SLC41A3: variants seen among roughly 807,000 people sequenced by gnomAD.
SLC41A3 encodes the protein SLC41A1-like 2.
A neutral mutation model predicts 45.4 loss-of-function variants in SLC41A3; 44 were observed. The observed-to-expected ratio is 0.97, with a 90% CI of 0.76 to 1.25. SLC41A3 has a LOEUF of 1.25. Among genes scored for constraint, SLC41A3 ranks in the 50% most tolerant of loss-of-function variants. The probability of loss-of-function intolerance (pLI) is 0.00; values close to 1 mark genes in which losing one functional copy is unlikely to be tolerated. For missense variants in SLC41A3, 550 were observed against 600.6 expected, an observed-to-expected ratio of 0.92 and a Z score of 0.88; for synonymous variants, 256 against 252.4, an observed-to-expected ratio of 1.01 and a Z score of -0.13.
At chr3:126,016,600 G>A in intron 7 of SLC41A3, 131 bp downstream of exon 7, 1 of 1,152,940 alleles carries the variant, frequency 8.7e-7, no homozygotes, top group Non-Finnish European at 1.2e-6. Flanking sequence ...TCAGCAATGG[G>A]AGTTACTGAA....
At position 126,026,538 on chromosome 3, in the gene SLC41A3, G is replaced by A; in HGVS notation, c.454-59C>T. On this transcript the variant is annotated intron_variant, in intron 4 of 10. Coordinates refer to ENST00000360370, the MANE Select transcript of SLC41A3 (RefSeq NM_017836.4). This position sits in a 1 kb window ranked among gnomAD's most constrained non-coding sequence, Gnocchi z 4.2. The stretch of plus-strand genomic sequence containing the variant: ...CCCCGGGGCCACAGCCACACTCCCT[G>A]CCCTTCACACCTCACTCACCGCAAG... 1 of 1,568,488 alleles carries A rather than the reference G, an allele frequency of 6.4e-7. No individual in the cohort carries two copies. Among genetic ancestry groups the A allele is most frequent in the East Asian group, 2.3e-5 (1 of 43,316 alleles).
At chr3:126,024,851 C>T (rs1941205878) in intron 5 of SLC41A3, 1 of 152,168 alleles carries the variant, frequency 6.6e-6, no homozygotes, top group Non-Finnish European at 1.5e-5. Context: ...TAAGCCTGGC[C>T]CTGGTTTAAG....
chr3:126,033,446 C>T lies in SLC41A3; in HGVS notation c.453+161G>A, dbSNP rs538225239. Among the ~76,000 whole-genome samples the T allele has an allele frequency of 8.5e-5, 13 of 152,160 alleles. No homozygotes were observed. In the South Asian group the frequency reaches 2.3e-3, roughly 27 times the overall value. On this transcript the variant is annotated intron_variant, in intron 4 of 10. Transcript: ENST00000360370. ...AGGTGGGCTGAGCCTCCAGAAGCTG[C>T]GTGAATGTGGTCTATTGGATGTGGG...
intron 3 of SLC41A3, among the ~76,000 whole-genome samples, chr3:126,048,508 C>T: frequency 6.6e-6 from 1 of 152,122 alleles, no homozygotes; most frequent in South Asian, 2.1e-4. Flanking sequence ...AAGTGATTTG[C>T]TTAGATTTTC....
upstream of SLC41A3, among the ~76,000 whole-genome samples, chr3:126,087,982 A>G (rs577148828): frequency 6.6e-6 from 1 of 152,252 alleles, no homozygotes; most frequent in East Asian, 1.9e-4. Context: ...TAAACTCTAT[A>G]ATCTGTCTCT....
At chr3:126,051,232 T>G (rs1423857361) in intron 2 of SLC41A3, among the ~76,000 whole-genome samples, 182 bp from the exon 3 acceptor site, 1 of 152,276 alleles carries the variant, frequency 6.6e-6, no homozygotes, top group Non-Finnish European at 1.5e-5. Flanking sequence ...AACCTTTTAG[T>G]GCTGTTAACT....
chr3:126,055,503 G>C (rs1433752487), intron 2 of SLC41A3, among the ~76,000 whole-genome samples: 1 of 152,086 alleles, frequency 6.6e-6, no homozygotes, highest in Non-Finnish European at 1.5e-5. Context: ...GACAGGGCAA[G>C]ACTCTGTCTC....
intron 1 of SLC41A3, among the ~76,000 whole-genome samples, chr3:126,083,068 G>A (rs1945243497): frequency 6.6e-6 from 1 of 152,158 alleles, no homozygotes; most frequent in African/African-American, 2.4e-5. Flanking sequence ...TACTGTGTAG[G>A]GCTGTGAAGA....
At chr3:126,034,282 A>G (rs139231139) in intron 3 of SLC41A3, among the ~76,000 whole-genome samples, 16 of 152,362 alleles carry the variant, frequency 1.1e-4, no homozygotes, top group Admixed American at 9.1e-4. Context: ...GATCATAAAT[A>G]TGACTTTATC....
chr3:126,065,551 CAG>C (rs1390526375), intron 2 of SLC41A3, among the ~76,000 whole-genome samples: 2 of 152,164 alleles, frequency 1.3e-5, no homozygotes, highest in South Asian at 2.1e-4. Context: ...AGACTTGTAG[CAG>C]AGAGTTTTTC....
chr3:126,029,372 C>CG (rs1195261226), intron 4 of SLC41A3, among the ~76,000 whole-genome samples: 3 of 151,338 alleles, frequency 2.0e-5, no homozygotes, highest in African/African-American at 7.3e-5. Flanking sequence ...GCACTCCCTC[C>CG]CCCACCACTC....
intron 1 of SLC41A3, among the ~76,000 whole-genome samples, chr3:126,078,560 T>C (rs1180504745): frequency 1.3e-5 from 2 of 152,192 alleles, no homozygotes; most frequent in East Asian, 1.9e-4. Flanking sequence ...GTCCCTGCAA[T>C]GCCAGATCCC....
At chr3:126,015,647 T>C in intron 7 of SLC41A3, 74 bp from the exon 8 acceptor site, 1 of 1,433,766 alleles carries the variant, frequency 7.0e-7, no homozygotes, top group South Asian at 1.2e-5. Flanking sequence ...TCCACACAAA[T>C]CACCCTTTCA....
At chr3:126,069,623 A>C (rs553622295) in intron 1 of SLC41A3, among the ~76,000 whole-genome samples, 1 of 152,362 alleles carries the variant, frequency 6.6e-6, no homozygotes, top group Admixed American at 6.5e-5. Flanking sequence ...GCCCATTAAA[A>C]AAAATTAATA....
At chr3:126,030,247 CTT>C (rs975939275) in intron 4 of SLC41A3, among the ~76,000 whole-genome samples, 2 of 145,254 alleles carry the variant, frequency 1.4e-5, no homozygotes, top group African/African-American at 5.0e-5. Flanking sequence ...TTATATAAAA[CTT>C]TATAACATAT....
chr3:126,062,754 T>C (rs1944137806), intron 2 of SLC41A3, among the ~76,000 whole-genome samples: 1 of 152,222 alleles, frequency 6.6e-6, no homozygotes, highest in Non-Finnish European at 1.5e-5. Context: ...TTAGTTCTTT[T>C]TGGGTTTTGG....
At chr3:126,008,276 T>C (rs1234037547) in intron 10 of SLC41A3, among the ~76,000 whole-genome samples, 1 of 152,240 alleles carries the variant, frequency 6.6e-6, no homozygotes, top group Admixed American at 6.5e-5. Flanking sequence ...GTAAGCTGTA[T>C]AGCATGTAGC....
rs554764337 is a variant in SLC41A3 at position 126,065,234 on chromosome 3, A to G, written c.273+2713T>C. Among the ~76,000 whole-genome samples, 26 of 152,374 alleles carry G rather than the reference A, an allele frequency of 1.7e-4. 1 individual carries two copies. In the South Asian group the frequency reaches 4.8e-3, roughly 28 times the overall value. ...TTTCAGCTGTTGAGACCCTGAGCAGAGATCCCAGCCATACCATGCCTGCCC... is the reference window on the plus strand; with the variant it reads ...TTTCAGCTGTTGAGACCCTGAGCAGGGATCCCAGCCATACCATGCCTGCCC... On this transcript the variant is annotated intron_variant, in intron 2 of 10. Transcript: ENST00000360370.
chr3:126,096,643 C>T (rs1042215752), intron 1 of SLC41A3, among the ~76,000 whole-genome samples: 6 of 152,376 alleles, frequency 3.9e-5, no homozygotes, highest in Admixed American at 6.5e-5. Context: ...CCAGACCCAC[C>T]CCTTTATTCT....
Sources: allele counts gnomAD v4.1 joint callset (sites outside exome capture counted in the v4.1 genomes callset), GRCh38; gene constraint gnomAD v4.1.1; non-coding constraint Gnocchi (gnomAD v3.1); transcripts MANE v1.5; gene names NCBI Gene and HGNC (gene_info 2026-07-23, HGNC 2026-07-21).